Variants in RNF144B observed in about 807,000 individuals in gnomAD.
RNF144B encodes E3 ubiquitin-protein ligase RNF144B.
Under a neutral mutation model 40.2 loss-of-function variants are expected in RNF144B, and 25 were observed. The observed-to-expected ratio is 0.62, with a 90% CI of 0.45 to 0.87. RNF144B has a LOEUF of 0.87. RNF144B is among the 40% of genes least tolerant of loss of function. The probability of loss-of-function intolerance (pLI) is 0.00; values close to 1 mark genes in which losing one functional copy is unlikely to be tolerated. For synonymous variants in RNF144B, 145 were observed against 136.3 expected (o/e 1.06, Z -0.44); for missense variants, 365 against 373.7 (o/e 0.98, Z 0.19).
chr6:18,446,683 G>T lies in RNF144B; in HGVS notation c.331+6939G>T, dbSNP rs897759009. ...GCTGGGTCAGTGATTGTCAGAGAAG[G>T]GTGAATGGATCTTCCAGGGATATTT... On this transcript the variant is annotated intron_variant, in intron 4 of 7. Coordinates refer to ENST00000259939, the MANE Select transcript of RNF144B (RefSeq NM_182757.4). The surrounding 1 kb of genome is among the most constrained non-coding windows in gnomAD (Gnocchi z 4.7). 6.6e-6 allele frequency among the ~76,000 whole-genome samples: 1 copy of T among 152,130 alleles called. No homozygotes were observed. The highest frequency in any genetic ancestry group is 2.4e-5 in the African/African-American group (1 of 41,424).
chr6:18,461,409 T>G (rs766431243), intron 6 of RNF144B, among the ~76,000 whole-genome samples: 2 of 152,220 alleles, frequency 1.3e-5, no homozygotes, highest in Non-Finnish European at 2.9e-5. Flanking sequence ...AAAACAATTT[T>G]TTTTTGTTTT....
intron 2 of RNF144B, among the ~76,000 whole-genome samples, chr6:18,404,516 A>G (rs1395667298): frequency 6.6e-6 from 1 of 152,230 alleles, no homozygotes; most frequent in Non-Finnish European, 1.5e-5. Context: ...AGGAAAGCCT[A>G]TAATGATTTG....
intron 1 of RNF144B, among the ~76,000 whole-genome samples, chr6:18,388,420 G>C (rs1287935181): frequency 6.6e-6 from 1 of 152,188 alleles, no homozygotes; most frequent in African/African-American, 2.4e-5. Context: ...AGATTAGGGG[G>C]TGTCTGTGCC....
chr6:18,458,644 G>T lies in RNF144B; in HGVS notation c.537-963G>T, dbSNP rs961584914. On this transcript the variant is annotated intron_variant, in intron 5 of 7. Transcript: ENST00000259939. This position sits in a 1 kb window ranked among gnomAD's most constrained non-coding sequence, Gnocchi z 4.8. ...TCTGACATTGTCACTCGGTATCTGTGTGTCTCATAGAAGCCACTCAGCCTC... is the reference window on the plus strand; with the variant it reads ...TCTGACATTGTCACTCGGTATCTGTTTGTCTCATAGAAGCCACTCAGCCTC... 5.3e-5 allele frequency among the ~76,000 whole-genome samples: 8 copies of T among 152,166 alleles called. No individual in the cohort carries two copies. The highest frequency in any genetic ancestry group is 1.9e-4 in the African/African-American group (8 of 41,450).
intron 1 of RNF144B, among the ~76,000 whole-genome samples, chr6:18,390,667 G>T (rs906797562): frequency 6.6e-6 from 1 of 152,144 alleles, no homozygotes; most frequent in Non-Finnish European, 1.5e-5. Flanking sequence ...TCATCAACTT[G>T]TTCTTTGTTT....
At chr6:18,394,806 T>G (rs1161633111) in intron 1 of RNF144B, among the ~76,000 whole-genome samples, 3 of 152,192 alleles carry the variant, frequency 2.0e-5, no homozygotes, top group Non-Finnish European at 4.4e-5. Context: ...CAGATAGTAC[T>G]TGCTTCTCAT....
chr6:18,387,540 C>A lies in RNF144B; in HGVS notation c.-127C>A. The A allele has an allele frequency of 1.9e-5, 15 of 787,494 alleles. No individual in the cohort carries two copies. The highest frequency in any genetic ancestry group is 2.5e-5 in the Non-Finnish European group (15 of 598,422). The allele number at this position is 787,494 out of a possible 1,614,324, so 48.8% of individuals were successfully genotyped here. On this transcript the variant is annotated 5_prime_UTR_variant, in exon 1 of 8. In the 5' UTR this introduces an upstream ATG that the reference lacks. Transcript: ENST00000259939. ...AAAGACGGAGAGAATGGAAGAGCTC[C>A]TGTCCGGTGTGCCAGCAGCCCGGAC...
intron 2 of RNF144B, among the ~76,000 whole-genome samples, chr6:18,427,279 C>A (rs1758578099): frequency 6.6e-6 from 1 of 151,512 alleles, no homozygotes. Flanking sequence ...AAGGAGGGGG[C>A]CTTTAGGGTT....
Position 18,466,184 on chromosome 6 carries a change from G to A in RNF144B, c.*1117G>A, listed in dbSNP as rs1416941131. 1 of 152,124 alleles carries A rather than the reference G, an allele frequency of 6.6e-6. No homozygotes were observed. The highest frequency in any genetic ancestry group is 2.4e-5 in the African/African-American group (1 of 41,420). 9.4% of individuals were successfully genotyped at this position (152,124 alleles called of 1,614,324 possible). ...TTTGCATATTATATATGTGAATTTT[G>A]GTTGTAAGTTCATAACTTACCCAAG... is the stretch of plus-strand genomic sequence containing the variant. On this transcript the variant is annotated 3_prime_UTR_variant, in exon 8 of 8. Transcript: ENST00000259939.
intron 7 of RNF144B, among the ~76,000 whole-genome samples, chr6:18,463,939 T>C (rs1651661882): frequency 1.3e-5 from 2 of 152,126 alleles, no homozygotes; most frequent in African/African-American, 4.8e-5. Flanking sequence ...CTCATGAAAC[T>C]TATTTACTAC....
At chr6:18,392,540 A>G (rs1794605733) in intron 1 of RNF144B, among the ~76,000 whole-genome samples, 1 of 152,162 alleles carries the variant, frequency 6.6e-6, no homozygotes, top group Non-Finnish European at 1.5e-5. Context: ...AATAGTCTCC[A>G]AGTTACAAAG....
At chr6:18,436,720 T>C (rs1758831357) in intron 3 of RNF144B, among the ~76,000 whole-genome samples, 1 of 152,194 alleles carries the variant, frequency 6.6e-6, no homozygotes, top group Non-Finnish European at 1.5e-5. Flanking sequence ...TACTTGTGAA[T>C]ATCCTCAAAA....
Position 18,446,256 on chromosome 6 carries a change from T to G in RNF144B, c.331+6512T>G, listed in dbSNP as rs1338990030. Among the ~76,000 whole-genome samples, 1 of 151,852 alleles carries G rather than the reference T, an allele frequency of 6.6e-6. No homozygotes were observed. The highest frequency in any genetic ancestry group is 1.5e-5 in the Non-Finnish European group (1 of 67,908). On this transcript the variant is annotated intron_variant, in intron 4 of 7. Coordinates refer to ENST00000259939, the MANE Select transcript of RNF144B (RefSeq NM_182757.4). The surrounding 1 kb of genome is among the most constrained non-coding windows in gnomAD (Gnocchi z 4.7). ...CAAAACTATTCTCTTAATGGGATAC[T>G]GGAATTATAATACATTTCCTTAAAA...
At chr6:18,409,333 TTGCCAC>T (rs1476356854) in intron 2 of RNF144B, among the ~76,000 whole-genome samples, 3 of 131,098 alleles carry the variant, frequency 2.3e-5, no homozygotes. Context: ...AGCTGAGATC[TTGCCAC>T]TGCACTCCAG....
chr6:18,428,890 G>C (rs1402036954), intron 3 of RNF144B, among the ~76,000 whole-genome samples: 2 of 152,104 alleles, frequency 1.3e-5, no homozygotes, highest in African/African-American at 4.8e-5. Context: ...TAATTACGTG[G>C]CTTTGAGTAG....
In RNF144B at chr6:18,441,142, A is replaced by G. The variant is rs1391679546; in HGVS notation, c.331+1398A>G. Among the ~76,000 whole-genome samples, 2 of 152,164 alleles carry G rather than the reference A, an allele frequency of 1.3e-5. No individual in the cohort carries two copies. The highest frequency in any genetic ancestry group is 2.1e-4 in the South Asian group (1 of 4,830). Reference sequence around the variant, plus strand: ...ACATGGGCCGATTAGATTGAGCATTATAACACCAGATATGATAGCTAAAGA... The same window carrying G: ...ACATGGGCCGATTAGATTGAGCATTGTAACACCAGATATGATAGCTAAAGA... On this transcript the variant is annotated intron_variant, in intron 4 of 7. Coordinates refer to ENST00000259939, the MANE Select transcript of RNF144B (RefSeq NM_182757.4). The surrounding 1 kb of genome is among the most constrained non-coding windows in gnomAD (Gnocchi z 4.9).
rs1759093852 is a variant in RNF144B, at chr6:18,446,851, GTGTGTGTGTGTGTGTGTGTGTGTC to G, written c.331+7119_331+7142del. Among the ~76,000 whole-genome samples, 1 of 71,882 alleles carries G rather than the reference GTGTGTGTGTGTGTGTGTGTGTGTC, an allele frequency of 1.4e-5. No individual in the cohort carries two copies. The allele number at this position is 71,882 out of a possible 152,430, so 47.2% of individuals were successfully genotyped here. On this transcript the variant is annotated intron_variant, in intron 4 of 7. Coordinates refer to ENST00000259939, the MANE Select transcript of RNF144B (RefSeq NM_182757.4). The surrounding 1 kb of genome is among the most constrained non-coding windows in gnomAD (Gnocchi z 4.7). ...TGGTTCTATTTTAGGGTGTGTGTGTGTGTGTGTGTGTGTGTGTGTGTGTCTGTGTGTGTGTTGTGTGTTTGTTGG... is the reference window on the plus strand; with the variant it reads ...TGGTTCTATTTTAGGGTGTGTGTGTGTGTGTGTGTGTTGTGTGTTTGTTGG...
Position 18,416,565 on chromosome 6 carries a change from C to G in RNF144B, c.166-11016C>G, listed in dbSNP as rs552466136. ...CTTTTGATTGGAGTCCAGATTTAATCTCCCATATTGAATGACTGTCCTCAA... is the reference window on the plus strand; with the variant it reads ...CTTTTGATTGGAGTCCAGATTTAATGTCCCATATTGAATGACTGTCCTCAA... On this transcript the variant is annotated intron_variant, in intron 2 of 7. Coordinates refer to ENST00000259939, the MANE Select transcript of RNF144B (RefSeq NM_182757.4). The surrounding 1 kb of genome is among the most constrained non-coding windows in gnomAD (Gnocchi z 5.5). Among the ~76,000 whole-genome samples, 1 of 152,326 alleles carries G rather than the reference C, an allele frequency of 6.6e-6. No individual in the cohort carries two copies. The highest frequency in any genetic ancestry group is 1.9e-4 in the East Asian group (1 of 5,180).
chr6:18,388,702 A>G (rs1485800871), intron 1 of RNF144B, among the ~76,000 whole-genome samples: 1 of 152,050 alleles, frequency 6.6e-6, no homozygotes, highest in Non-Finnish European at 1.5e-5. Flanking sequence ...GGGGAGAAAA[A>G]CCTATAGCAG....
Sources: gnomAD v4.1 joint callset for allele counts (sites outside exome capture counted in the v4.1 genomes callset) on GRCh38, gnomAD v4.1.1 for gene constraint, Gnocchi (gnomAD v3.1) non-coding constraint, MANE v1.5 for transcripts, NCBI Gene and HGNC (gene_info 2026-07-23, HGNC 2026-07-21) for gene names.